The following CTTNBP2 variants were observed in gnomAD, a reference collection of about 807,000 sequenced individuals.
CTTNBP2 encodes the protein cortactin binding protein 2.
A neutral mutation model predicts 156.9 loss-of-function variants in CTTNBP2; 108 were observed. The observed-to-expected ratio is 0.69, with a 90% CI of 0.59 to 0.81. The LOEUF (loss-of-function observed/expected upper bound fraction) is 0.81, where lower values mean the gene tolerates loss of function less well. Among genes scored for constraint, CTTNBP2 ranks in the 30% least tolerant of loss-of-function variants. The pLI is 0.00. For missense variants in CTTNBP2, 1,924 were observed against 2,035.4 expected, an observed-to-expected ratio of 0.95 and a Z score of 1.05; for synonymous variants, 767 against 751.8, an observed-to-expected ratio of 1.02 and a Z score of -0.33.
intron 12 of CTTNBP2, 104 bp from the exon 13 acceptor site, chr7:117,746,203 C>T (rs924537328): frequency 5.4e-6 from 4 of 740,406 alleles, no homozygotes; most frequent in Non-Finnish European, 9.3e-6. Flanking sequence ...CTCATACTTT[C>T]AAAAGATTAA....
At chr7:117,748,235 G>A (rs1796441956) in intron 12 of CTTNBP2, among the ~76,000 whole-genome samples, 2 of 152,070 alleles carry the variant, frequency 1.3e-5, no homozygotes, top group Admixed American at 1.3e-4. Context: ...CTTATGAGAT[G>A]GGGAAGCCTG....
chr7:117,719,493 G>A lies in CTTNBP2; in HGVS notation c.4644+11C>T, dbSNP rs1013370805. The A allele has an allele frequency of 6.2e-7, 1 of 1,612,416 alleles. No homozygotes were observed. The highest frequency in any genetic ancestry group is 1.3e-5 in the African/African-American group (1 of 74,988). ...TAGAGCCATTCAATGCCCCCCATTT[G>A]TACTGCTCACCTTGCTGATATCAGA... On this transcript the variant is annotated intron_variant, in intron 21 of 22. Coordinates refer to ENST00000160373, the MANE Select transcript of CTTNBP2 (RefSeq NM_033427.3).
chr7:117,871,940 C>T (rs1804635968), intron 1 of CTTNBP2: 2 of 984,608 alleles, frequency 2.0e-6, no homozygotes, highest in Non-Finnish European at 2.4e-6. Flanking sequence ...AAATCATTTC[C>T]ACTTGCCAGA....
intron 21 of CTTNBP2, among the ~76,000 whole-genome samples, chr7:117,719,193 C>T (rs1408296742): frequency 1.3e-5 from 2 of 152,150 alleles, no homozygotes; most frequent in African/African-American, 2.4e-5. Flanking sequence ...AAGAGCGAAA[C>T]TCCATCTCCA....
chr7:117,810,302 T>G (rs542800805), intron 3 of CTTNBP2, among the ~76,000 whole-genome samples: 2 of 152,310 alleles, frequency 1.3e-5, no homozygotes, highest in South Asian at 4.1e-4. Context: ...CATGTTATTT[T>G]CATTTCCCCC....
At chr7:117,739,449 T>C (rs900053126) in intron 14 of CTTNBP2, among the ~76,000 whole-genome samples, 1 of 152,208 alleles carries the variant, frequency 6.6e-6, no homozygotes, top group African/African-American at 2.4e-5. Flanking sequence ...TTTTGACCTT[T>C]TTCTTCCAAC....
At chr7:117,859,305 T>A (rs1212484511) in intron 2 of CTTNBP2, among the ~76,000 whole-genome samples, 1 of 152,214 alleles carries the variant, frequency 6.6e-6, no homozygotes, top group Non-Finnish European at 1.5e-5. Flanking sequence ...AAGTGCTGAT[T>A]ATTAGCAAGC....
intron 2 of CTTNBP2, among the ~76,000 whole-genome samples, chr7:117,843,678 T>A (rs774024926): frequency 2.0e-5 from 3 of 152,168 alleles, no homozygotes; most frequent in African/African-American, 7.2e-5. Context: ...ACTGGAAGAC[T>A]GTGAGCTGAA....
Position 117,780,559 on chromosome 7 carries a change from T to G in CTTNBP2, c.2405A>C (p.Asn802Thr). The G allele has an allele frequency of 6.3e-7, 1 of 1,590,712 alleles. No homozygotes were observed. The highest frequency in any genetic ancestry group is 8.6e-7 in the Non-Finnish European group (1 of 1,168,266). ...CVELLISYDA[N>T]INHAADGGQT... is the part of the protein sequence containing the mutation. ...TCCTCCATCAGCAGCATGATTAATG[T>G]TAGCATCATATGAAATTAATAATTC... Residue 802 changes from asparagine (N) to threonine (T), a missense_variant, in exon 7 of 23, where the codon AAC becomes ACC. By Grantham distance (65) the Asn-to-Thr change is moderately conservative. Coordinates refer to ENST00000160373, the MANE Select transcript of CTTNBP2 (RefSeq NM_033427.3).
intron 2 of CTTNBP2, among the ~76,000 whole-genome samples, chr7:117,853,504 A>C (rs1051209630): frequency 2.0e-5 from 3 of 152,110 alleles, no homozygotes; most frequent in Non-Finnish European, 4.4e-5. Context: ...TTCTGCAAAA[A>C]CCCATGACTT....
intron 2 of CTTNBP2, among the ~76,000 whole-genome samples, chr7:117,817,784 T>C (rs974707577): frequency 1.3e-5 from 2 of 152,218 alleles, no homozygotes; most frequent in African/African-American, 2.4e-5. Flanking sequence ...TATTTATTGC[T>C]AGGTGCTTTT....
At chr7:117,741,903 T>C (rs1415512487) in intron 14 of CTTNBP2, among the ~76,000 whole-genome samples, 6 of 152,212 alleles carry the variant, frequency 3.9e-5, no homozygotes, top group African/African-American at 1.4e-4. Context: ...AATTCACCAA[T>C]TTATTCAAAA....
intron 3 of CTTNBP2, among the ~76,000 whole-genome samples, chr7:117,801,596 T>C (rs1243844110): frequency 1.3e-5 from 2 of 152,222 alleles, no homozygotes; most frequent in African/African-American, 4.8e-5. Flanking sequence ...AATTTCCTCA[T>C]TTTAAAAAAC....
chr7:117,812,196 T>C (rs761095920), intron 2 of CTTNBP2, among the ~76,000 whole-genome samples: 6 of 152,050 alleles, frequency 3.9e-5, no homozygotes, highest in African/African-American at 1.4e-4. Flanking sequence ...TACAAAGTCA[T>C]TGCATAAAAA....
At chr7:117,755,515 T>C in intron 12 of CTTNBP2, 1 of 469,986 alleles carries the variant, frequency 2.1e-6, no homozygotes, top group South Asian at 1.6e-5. Flanking sequence ...AATCCTGGCT[T>C]CATCACTTGC....
Position 117,873,330 on chromosome 7 carries a change from G to A in CTTNBP2, c.81+5C>T. 2 of 1,443,422 alleles carry A rather than the reference G, an allele frequency of 1.4e-6. No individual in the cohort carries two copies. The highest frequency in any genetic ancestry group is 1.8e-6 in the Non-Finnish European group (2 of 1,102,496). 89.4% of individuals were successfully genotyped at this position (1,443,422 alleles called of 1,614,324 possible). A position where few individuals can be genotyped will look rare whatever the true frequency, so the allele number is the denominator to read the frequency against. On this transcript the variant is annotated splice_donor_5th_base_variant and intron_variant, in intron 1 of 22. Coordinates refer to ENST00000160373, the MANE Select transcript of CTTNBP2 (RefSeq NM_033427.3). ...GCCCCGCGCCCGCCCCGGGAACTCGGTTACCGCCGCCTCCGCCGCGGCCCC... is the reference window on the plus strand; with the variant it reads ...GCCCCGCGCCCGCCCCGGGAACTCGATTACCGCCGCCTCCGCCGCGGCCCC...
At chr7:117,721,578 T>A (rs1435228580) in intron 19 of CTTNBP2, among the ~76,000 whole-genome samples, 2 of 152,266 alleles carry the variant, frequency 1.3e-5, no homozygotes, top group Admixed American at 1.3e-4. Context: ...GTATAGTTTT[T>A]GATATGTGGC....
chr7:117,777,591 C>A lies in CTTNBP2; in HGVS notation c.2698G>T (p.Val900Phe), dbSNP rs1798175070. 1 of 1,614,062 alleles carries A rather than the reference C, an allele frequency of 6.2e-7. No homozygotes were observed. Among genetic ancestry groups the A allele is most frequent in the Non-Finnish European group, 8.5e-7 (1 of 1,179,972 alleles). The change falls in exon 8 of 23, where the codon GTT (valine) becomes TTT (phenylalanine). Residue 900 changes from valine to phenylalanine, a missense_variant. Physicochemically the swap from Val to Phe is conservative, Grantham distance 50. Transcript: ENST00000160373. The stretch of plus-strand genomic sequence containing the variant: ...TGGTTAATGAGGTCTGCAGGAACAA[C>A]AGGCTTGGATATGCCTTCAGGACTC... Reference protein sequence around the residue: ...EESPEGISKPVVPADLINHAN... With the variant: ...EESPEGISKPFVPADLINHAN...
chr7:117,742,935 G>A (rs184391427), intron 14 of CTTNBP2, among the ~76,000 whole-genome samples: 5 of 152,326 alleles, frequency 3.3e-5, no homozygotes, highest in Admixed American at 3.3e-4. Flanking sequence ...CTGGAGATGG[G>A]GGCATGCCCC....
Sources: allele counts gnomAD v4.1 joint callset (sites outside exome capture counted in the v4.1 genomes callset), GRCh38; gene constraint gnomAD v4.1.1; transcripts MANE v1.5; gene names NCBI Gene and HGNC (gene_info 2026-07-23, HGNC 2026-07-21).